The following RALGAPA1 variants were observed in gnomAD, a reference collection of about 807,000 sequenced individuals.
The protein encoded by RALGAPA1 is Ral GTPase activating protein catalytic subunit alpha 1.
In RALGAPA1, 52 loss-of-function variants were observed where a neutral mutation model predicts 269.6. The observed-to-expected ratio is 0.19, with a 90% confidence interval of 0.15 to 0.24. The LOEUF (loss-of-function observed/expected upper bound fraction) is 0.24. Ranked by LOEUF, RALGAPA1 falls within the 10% of genes least tolerant of loss-of-function variation. RALGAPA1 has a pLI of 1.00. For missense variants in RALGAPA1, 1,917 were observed against 3,013.9 expected, an observed-to-expected ratio of 0.64 and a Z score of 8.52; for synonymous variants, 817 against 1,008.3, an observed-to-expected ratio of 0.81 and a Z score of 3.60.
At chr14:35,758,144 T>C (rs541001863) in intron 6 of RALGAPA1, among the ~76,000 whole-genome samples, 68 of 150,212 alleles carry the variant, frequency 4.5e-4, no homozygotes, top group Non-Finnish European at 8.6e-4. Flanking sequence ...CTCAGCTACT[T>C]TGGAGCACGA....
At chr14:35,803,573 A>G (rs937042342) in intron 1 of RALGAPA1, among the ~76,000 whole-genome samples, 3 of 151,704 alleles carry the variant, frequency 2.0e-5, no homozygotes, top group African/African-American at 4.8e-5. Context: ...AAGACTGGGG[A>G]AAAAAAAATC....
chr14:35,582,735 T>G (rs2058035454), intron 37 of RALGAPA1, among the ~76,000 whole-genome samples: 1 of 152,084 alleles, frequency 6.6e-6, no homozygotes, highest in Non-Finnish European at 1.5e-5. Flanking sequence ...GAAAAACAAT[T>G]ATTTGAAACA....
Position 35,681,657 on chromosome 14 carries a change from A to AT in RALGAPA1, c.4471+2151dup, listed in dbSNP as rs796698124. Among the ~76,000 whole-genome samples, 6 of 152,114 alleles carry AT rather than the reference A, an allele frequency of 3.9e-5. No homozygotes were observed. The South Asian group carries it at 8.3e-4, about 21-fold the overall frequency. ...TTGTTTTACAGAACATAAAGCCTAC[A>AT]TTTTTTTTAAACACACCCACCTTTA... On this transcript the variant is annotated intron_variant, in intron 21 of 41. Transcript: ENST00000680220.
intron 17 of RALGAPA1, among the ~76,000 whole-genome samples, chr14:35,698,603 G>A (rs1241506444): frequency 6.6e-6 from 1 of 152,004 alleles, no homozygotes; most frequent in Non-Finnish European, 1.5e-5. Flanking sequence ...TAATGGAAGT[G>A]TTCAAAGCTC....
intron 39 of RALGAPA1, among the ~76,000 whole-genome samples, chr14:35,569,532 T>G (rs919665389): frequency 2.6e-5 from 4 of 152,002 alleles, no homozygotes; most frequent in African/African-American, 9.7e-5. Flanking sequence ...TAAATAATTT[T>G]CCCAAGTCTA....
At chr14:35,666,132 C>T (rs1331974743) in intron 26 of RALGAPA1, among the ~76,000 whole-genome samples, 1 of 151,992 alleles carries the variant, frequency 6.6e-6, no homozygotes, top group African/African-American at 2.4e-5. Flanking sequence ...CCTCCCATCT[C>T]TCCCATCTCA....
intron 26 of RALGAPA1, among the ~76,000 whole-genome samples, chr14:35,666,795 T>C (rs1219577767): frequency 6.6e-6 from 1 of 152,226 alleles, no homozygotes; most frequent in Non-Finnish European, 1.5e-5. Flanking sequence ...ACATTAGGGC[T>C]TAATTCTCTT....
chr14:35,750,397 G>T, intron 9 of RALGAPA1, 85 bp downstream of exon 9: 4 of 845,812 alleles, frequency 4.7e-6, no homozygotes, highest in Non-Finnish European at 5.6e-6. Context: ...TTAAGTGTAC[G>T]CTCCACCTAA....
chr14:35,699,161 A>T (rs1318295349), intron 17 of RALGAPA1, among the ~76,000 whole-genome samples: 4 of 152,198 alleles, frequency 2.6e-5, no homozygotes, highest in Non-Finnish European at 4.4e-5. Flanking sequence ...ATTTCTAATT[A>T]ATTATATTAT....
intron 1 of RALGAPA1, among the ~76,000 whole-genome samples, chr14:35,797,368 A>AAAAAAAAAAAAAAAAAAAT (rs2076647677): frequency 6.6e-6 from 1 of 151,262 alleles, no homozygotes; most frequent in African/African-American, 2.4e-5. Flanking sequence ...AAAAAAAAAA[A>AAAAAAAAAAAAAAAAAAAT]GATGCCAAAG....
chr14:35,625,854 G>A (rs2060961406), intron 34 of RALGAPA1, among the ~76,000 whole-genome samples: 2 of 152,074 alleles, frequency 1.3e-5, no homozygotes, highest in South Asian at 4.1e-4. Context: ...TTTCTTCCTT[G>A]TTTTATAATT....
At chr14:35,548,396 C>A in intron 41 of RALGAPA1, 112 bp downstream of exon 41, 1 of 661,148 alleles carries the variant, frequency 1.5e-6, no homozygotes, top group East Asian at 3.0e-5. Context: ...TAGTATGAAC[C>A]GGACAGTGTT....
intron 27 of RALGAPA1, among the ~76,000 whole-genome samples, chr14:35,660,037 C>T (rs539292595): frequency 6.6e-6 from 1 of 151,950 alleles, no homozygotes; most frequent in South Asian, 2.1e-4. Context: ...GAAGTTGTAT[C>T]GAAACATAAC....
At chr14:35,666,740 T>C (rs568852492) in intron 26 of RALGAPA1, among the ~76,000 whole-genome samples, 1 of 152,236 alleles carries the variant, frequency 6.6e-6, no homozygotes, top group African/African-American at 2.4e-5. Flanking sequence ...AAAGGAGAAA[T>C]TAGTCATTTC....
chr14:35,765,926 T>C (rs970474154), intron 4 of RALGAPA1: 12 of 1,251,316 alleles, frequency 9.6e-6, no homozygotes, highest in Non-Finnish European at 1.1e-5. Context: ...GATCTGGAAA[T>C]GCAGAAGGCG....
rs75136096 is a variant in RALGAPA1 at position 35,715,755 on chromosome 14, T to G, written c.2266+5933A>C. Reference sequence around the variant, plus strand: ...CAAGATAACCAATTTAACATGGAAGTCTTCAATTCAGTCATCCAACCTTGA... The same window carrying G: ...CAAGATAACCAATTTAACATGGAAGGCTTCAATTCAGTCATCCAACCTTGA... On this transcript the variant is annotated intron_variant, in intron 16 of 41. Coordinates refer to ENST00000680220, the MANE Select transcript of RALGAPA1 (RefSeq NM_001346249.2). The G allele has an allele frequency of 5.0e-4, 495 of 985,296 alleles. No individual in the cohort carries two copies. In the African/African-American group the frequency reaches 7.7e-3, roughly 15 times the overall value. 61.0% of individuals were successfully genotyped at this position (985,296 alleles called of 1,614,324 possible). A position where few individuals can be genotyped will look rare whatever the true frequency, so the allele number is the denominator to read the frequency against.
At chr14:35,592,799 A>G (rs992711758) in intron 37 of RALGAPA1, among the ~76,000 whole-genome samples, 5 of 152,236 alleles carry the variant, frequency 3.3e-5, no homozygotes, top group African/African-American at 9.6e-5. Context: ...ACTAAGTCCA[A>G]TATCATTTAT....
chr14:35,679,929 C>T (rs2065268560), intron 21 of RALGAPA1, among the ~76,000 whole-genome samples: 1 of 152,072 alleles, frequency 6.6e-6, no homozygotes, highest in African/African-American at 2.4e-5. Context: ...TGAAAAGTTT[C>T]CTTTCCTTTA....
At chr14:35,612,541 C>CT (rs71124709) in intron 35 of RALGAPA1, among the ~76,000 whole-genome samples, 384 of 139,882 alleles carry the variant, frequency 2.7e-3, no homozygotes, top group African/African-American at 5.6e-3. Flanking sequence ...TCTTCTTCTT[C>CT]TTTTTTTTTT....
Sources: gnomAD v4.1 joint callset for allele counts (sites outside exome capture counted in the v4.1 genomes callset) on GRCh38, gnomAD v4.1.1 for gene constraint, MANE v1.5 for transcripts, NCBI Gene and HGNC (gene_info 2026-07-23, HGNC 2026-07-21) for gene names.